PTPRD: variants seen among roughly 807,000 people sequenced by gnomAD.
The protein encoded by PTPRD is receptor-type tyrosine-protein phosphatase delta.
Under a neutral mutation model 214.5 loss-of-function variants are expected in PTPRD, and 34 were observed. The ratio of observed to expected loss-of-function variants is 0.16; its 90% CI spans 0.12 to 0.21. PTPRD has a LOEUF of 0.21. Among genes scored for constraint, PTPRD ranks in the 10% least tolerant of loss-of-function variants. PTPRD has a pLI of 1.00. For synonymous variants in PTPRD, 1,128 were observed against 845.7 expected (o/e 1.33, Z -5.79); for missense variants, 2,545 against 2,398.7 (o/e 1.06, Z -1.27).
intron 14 of PTPRD, among the ~76,000 whole-genome samples, chr9:8,550,775 G>A (rs1298412057): frequency 6.6e-6 from 1 of 152,198 alleles, no homozygotes; most frequent in African/African-American, 2.4e-5. Flanking sequence ...CTTTAACTAT[G>A]AGAACTCCTG....
intron 9 of PTPRD, among the ~76,000 whole-genome samples, chr9:9,333,945 T>A (rs2043385026): frequency 6.6e-6 from 1 of 151,926 alleles, no homozygotes; most frequent in Non-Finnish European, 1.5e-5. Flanking sequence ...TCTTCGATCC[T>A]CAATGTCGTG....
intron 8 of PTPRD, among the ~76,000 whole-genome samples, chr9:9,556,010 T>A: frequency 6.6e-6 from 1 of 152,134 alleles, no homozygotes; most frequent in African/African-American, 2.4e-5. Context: ...CCTTGAACAA[T>A]GTGGGGGACC....
chr9:8,512,415 T>C (rs2097700460), intron 21 of PTPRD, among the ~76,000 whole-genome samples: 2 of 152,098 alleles, frequency 1.3e-5, no homozygotes, highest in Admixed American at 6.5e-5. Flanking sequence ...GCTAAATCTA[T>C]TCAGAAAAAG....
intron 11 of PTPRD, among the ~76,000 whole-genome samples, chr9:8,934,481 A>ATATATATAAATATATATATATATT (rs1451249537): frequency 3.1e-4 from 2 of 6,474 alleles, no homozygotes; most frequent in African/African-American, 1.1e-3. Flanking sequence ...ATATATAAAT[A>ATATATATAAATATATATATATATT]TATATATATA....
At chr9:9,736,865 G>A (rs1035744434) in intron 6 of PTPRD, among the ~76,000 whole-genome samples, 1 of 151,876 alleles carries the variant, frequency 6.6e-6, no homozygotes, top group Non-Finnish European at 1.5e-5. Flanking sequence ...GTGAAAATCT[G>A]TTCCCTACTC....
At chr9:10,166,203 G>C (rs2099157982) in intron 3 of PTPRD, among the ~76,000 whole-genome samples, 2 of 140,742 alleles carry the variant, frequency 1.4e-5, no homozygotes, top group African/African-American at 5.3e-5. Context: ...TTTTAATTTT[G>C]ATTGTTAGAG....
chr9:9,261,430 A>G, intron 9 of PTPRD, among the ~76,000 whole-genome samples: 1 of 151,882 alleles, frequency 6.6e-6, no homozygotes, highest in East Asian at 1.9e-4. Flanking sequence ...TAGGTACTTT[A>G]TTAATTCCAT....
At chr9:8,655,649 C>T (rs1008096801) in intron 12 of PTPRD, among the ~76,000 whole-genome samples, 1 of 151,946 alleles carries the variant, frequency 6.6e-6, no homozygotes, top group South Asian at 2.1e-4. Flanking sequence ...ACCAGCAGAG[C>T]CCCTGGAAAT....
At chr9:10,560,687 C>T (rs1281337465) in intron 2 of PTPRD, among the ~76,000 whole-genome samples, 1 of 152,134 alleles carries the variant, frequency 6.6e-6, no homozygotes, top group Non-Finnish European at 1.5e-5. Flanking sequence ...ATCCAATCCC[C>T]AGAATACAGT....
intron 7 of PTPRD, among the ~76,000 whole-genome samples, chr9:9,604,903 C>T (rs1332616721): frequency 6.6e-6 from 1 of 151,614 alleles, no homozygotes; most frequent in Non-Finnish European, 1.5e-5. Context: ...TATATTATGA[C>T]CACTTTCTTA....
intron 8 of PTPRD, among the ~76,000 whole-genome samples, chr9:9,400,859 A>G (rs1369814990): frequency 6.6e-6 from 1 of 152,064 alleles, no homozygotes; most frequent in Non-Finnish European, 1.5e-5. Context: ...ATGCAAATTT[A>G]TTCAAATAAC....
intron 8 of PTPRD, among the ~76,000 whole-genome samples, chr9:9,498,159 A>G (rs2096269878): frequency 6.6e-6 from 1 of 152,132 alleles, no homozygotes. Context: ...CCTCTGTTCA[A>G]CATTGTTTTA....
Position 10,578,439 on chromosome 9 carries a change from A to G in PTPRD, c.-600+33959T>C, listed in dbSNP as rs148143846. 1.8e-3 allele frequency among the ~76,000 whole-genome samples: 274 copies of G among 152,226 alleles called. 3 individuals are homozygous for G. The highest frequency in any genetic ancestry group is 6.2e-3 in the African/African-American group (258 of 41,550). The stretch of plus-strand genomic sequence containing the variant: ...AGGGGTTCTTACAAATTTTTCATTC[A>G]TGTTATACAAAAATGCAGATTACCA... On this transcript the variant is annotated intron_variant, in intron 2 of 45. Coordinates refer to ENST00000381196, the MANE Select transcript of PTPRD (RefSeq NM_002839.4).
rs76950009 is a variant in PTPRD, at chr9:10,062,914, C to T, written c.-544-29124G>A. On this transcript the variant is annotated intron_variant, in intron 3 of 45. Transcript: ENST00000381196. ...TCTGTTAATGAATTAGTTGAGACAA[C>T]ATGAGAATGAGAGAGATGAAATAGT... 4.7e-3 allele frequency among the ~76,000 whole-genome samples: 710 copies of T among 152,072 alleles called. 8 individuals are homozygous for T. The highest frequency in any genetic ancestry group is 0.016 in the African/African-American group (652 of 41,530).
In PTPRD at chr9:8,949,610, A is replaced by G. The variant is rs144048867; in HGVS notation, c.-104+69087T>C. Among the ~76,000 whole-genome samples the G allele has an allele frequency of 1.6e-4, 25 of 152,278 alleles. No individual in the cohort carries two copies. In the East Asian group the frequency reaches 4.1e-3, roughly 25 times the overall value. ...TGTGATGTTGAGGTTACAAATTTAA[A>G]TACATTGAGGTCACCAAATGCAAGA... On this transcript the variant is annotated intron_variant, in intron 11 of 45. Coordinates refer to ENST00000381196, the MANE Select transcript of PTPRD (RefSeq NM_002839.4).
chr9:9,604,098 T>C (rs1563997522), intron 7 of PTPRD, among the ~76,000 whole-genome samples: 1 of 152,048 alleles, frequency 6.6e-6, no homozygotes, highest in Non-Finnish European at 1.5e-5. Context: ...TTCTTTTTTT[T>C]CTGGGAAAAA....
chr9:8,436,716 C>G (rs770695485), intron 34 of PTPRD, 27 bp from the exon 35 acceptor site: 1 of 1,534,608 alleles, frequency 6.5e-7, no homozygotes, highest in Non-Finnish European at 9.0e-7. Flanking sequence ...AGAAGAAACA[C>G]ATTTGAAAAC....
intron 8 of PTPRD, among the ~76,000 whole-genome samples, chr9:9,455,666 A>G (rs926998832): frequency 6.6e-6 from 1 of 151,732 alleles, no homozygotes; most frequent in African/African-American, 2.4e-5. Context: ...AGCTTTCCCA[A>G]AGAAGCAAAG....
rs565309745 is a variant in PTPRD at position 9,378,336 on chromosome 9, C to T, written c.-203+19113G>A. Among the ~76,000 whole-genome samples the T allele has an allele frequency of 1.0e-3, 157 of 152,150 alleles. 1 individual carries two copies. The highest frequency in any genetic ancestry group is 3.7e-3 in the African/African-American group (155 of 41,512). Reference sequence around the variant, plus strand: ...TTACGAATACACATTTAAGTTTCTCCTTGTCTTTTCATAGCTTGACAGATC... The same window carrying T: ...TTACGAATACACATTTAAGTTTCTCTTTGTCTTTTCATAGCTTGACAGATC... On this transcript the variant is annotated intron_variant, in intron 9 of 45. Transcript: ENST00000381196.
Sources: allele counts gnomAD v4.1 joint callset (sites outside exome capture counted in the v4.1 genomes callset), GRCh38; gene constraint gnomAD v4.1.1; transcripts MANE v1.5; gene names NCBI Gene and HGNC (gene_info 2026-07-23, HGNC 2026-07-21).